ZNF438: variants seen among roughly 807,000 people sequenced by gnomAD.
The protein encoded by ZNF438 is zinc finger protein 438.
A neutral mutation model predicts 38.0 loss-of-function variants in ZNF438; 25 were observed. The observed-to-expected ratio is 0.66, with a 90% CI of 0.48 to 0.92. ZNF438 has a LOEUF of 0.92. Among genes scored for constraint, ZNF438 ranks in the 40% least tolerant of loss-of-function variants. ZNF438 has a pLI of 0.00. For synonymous variants in ZNF438, 372 were observed against 364.1 expected, an observed-to-expected ratio of 1.02 and a Z score of -0.25; for missense variants, 1,007 against 999.6, an observed-to-expected ratio of 1.01 and a Z score of -0.10.
chr10:30,883,723 C>T (rs1047687448), intron 3 of ZNF438, among the ~76,000 whole-genome samples: 1 of 151,960 alleles, frequency 6.6e-6, no homozygotes, highest in African/African-American at 2.4e-5. Context: ...ACAAAAAACC[C>T]ATCTCTACAA....
At chr10:30,965,222 A>G (rs1407742720) in intron 1 of ZNF438, among the ~76,000 whole-genome samples, 1 of 152,236 alleles carries the variant, frequency 6.6e-6, no homozygotes, top group African/African-American at 2.4e-5. Context: ...AATGCAAATC[A>G]AAACCAAAAT....
intron 4 of ZNF438, among the ~76,000 whole-genome samples, chr10:30,852,669 A>G (rs2033883116): frequency 6.6e-6 from 1 of 152,274 alleles, no homozygotes. Context: ...ATTGTTTTGC[A>G]AAGAAAAAGG....
intron 2 of ZNF438, among the ~76,000 whole-genome samples, chr10:30,936,485 C>T (rs2046269289): frequency 2.6e-5 from 4 of 151,890 alleles, no homozygotes; most frequent in Admixed American, 2.6e-4. Context: ...ACCAGCCTGG[C>T]CAAGATGGTG....
chr10:30,901,558 A>C (rs1378401471), intron 3 of ZNF438, among the ~76,000 whole-genome samples: 3 of 152,148 alleles, frequency 2.0e-5, no homozygotes, highest in African/African-American at 7.2e-5. Context: ...TTGGCCCCCG[A>C]ATTCTAAGGA....
At chr10:30,885,396 G>A (rs1004097301) in intron 3 of ZNF438, among the ~76,000 whole-genome samples, 5 of 152,212 alleles carry the variant, frequency 3.3e-5, no homozygotes, top group African/African-American at 1.2e-4. Flanking sequence ...GAACCAGTCA[G>A]TGAAGCCATG....
At chr10:30,857,737 C>T (rs2034907344) in intron 4 of ZNF438, 4 of 1,483,106 alleles carry the variant, frequency 2.7e-6, no homozygotes, top group African/African-American at 1.4e-5. Context: ...GAATGTGCAA[C>T]GTGTGTCCTC....
Position 30,845,398 on chromosome 10 carries a change from G to C in ZNF438, c.2050C>G (p.Pro684Ala), listed in dbSNP as rs376716516. 6 of 1,613,920 alleles carry C rather than the reference G, an allele frequency of 3.7e-6. No homozygotes were observed. The African/African-American group carries it at 8.0e-5, about 22-fold the overall frequency. ...TCTTCCTGAGTCCCCTTGCTTCCTG[G>C]GAAGGTCCCTTCTTGTAGCCTGCCC... Residue 684 changes from proline (P) to alanine (A), a missense_variant, in exon 6 of 6, where the codon CCA becomes GCA. By Grantham distance (27) the Pro-to-Ala change is conservative. Coordinates refer to ENST00000413025, the Ensembl canonical transcript of ZNF438.
intron 1 of ZNF438, among the ~76,000 whole-genome samples, chr10:30,970,123 CACACACACACACACACACACATAT>C (rs1437599356): frequency 1.3e-5 from 2 of 151,482 alleles, no homozygotes; most frequent in South Asian, 2.1e-4. Context: ...CACACACACA[CACACACACACACACACACACATAT>C]ACACACACAC....
intron 1 of ZNF438, among the ~76,000 whole-genome samples, chr10:30,977,737 C>T (rs1359764028): frequency 6.6e-6 from 1 of 152,082 alleles, no homozygotes; most frequent in Non-Finnish European, 1.5e-5. Context: ...GTAATACCAA[C>T]ACTTTGGGAG....
chr10:30,944,313 C>A (rs1589326920), intron 1 of ZNF438, among the ~76,000 whole-genome samples: 1 of 152,166 alleles, frequency 6.6e-6, no homozygotes, highest in South Asian at 2.1e-4. Flanking sequence ...AGACTAGATG[C>A]AAAGCTAGGT....
chr10:31,001,610 T>C (rs538168636), intron 1 of ZNF438, among the ~76,000 whole-genome samples: 13 of 152,354 alleles, frequency 8.5e-5, no homozygotes, highest in African/African-American at 2.6e-4. Flanking sequence ...ATTTAAAAAT[T>C]CATTTTCTGC....
At chr10:31,003,297 C>T (rs1433544131) in intron 1 of ZNF438, among the ~76,000 whole-genome samples, 1 of 152,104 alleles carries the variant, frequency 6.6e-6, no homozygotes, top group Non-Finnish European at 1.5e-5. Flanking sequence ...TTCTATCTAC[C>T]CTGCCACCCA....
chr10:30,849,011 C>T, exon 5 of ZNF438: 1 of 1,614,110 alleles, frequency 6.2e-7, no homozygotes, highest in Non-Finnish European at 8.5e-7. Context: ...AACATCCTGT[C>T]CTAGGCCCCC....
At chr10:31,029,779 G>C (rs1048640823) in intron 1 of ZNF438, among the ~76,000 whole-genome samples, 7 of 152,154 alleles carry the variant, frequency 4.6e-5, no homozygotes, top group African/African-American at 1.7e-4. Flanking sequence ...GGGACCCCAC[G>C]GCCTGCCTGG....
intron 2 of ZNF438, among the ~76,000 whole-genome samples, chr10:30,937,894 G>A (rs1485674884): frequency 6.6e-6 from 1 of 152,150 alleles, no homozygotes; most frequent in Non-Finnish European, 1.5e-5. Flanking sequence ...GTGCTTGAGG[G>A]ACAGAGGCTC....
chr10:30,900,630 C>A (rs1021520008), intron 3 of ZNF438, among the ~76,000 whole-genome samples: 1 of 152,172 alleles, frequency 6.6e-6, no homozygotes, highest in East Asian at 1.9e-4. Flanking sequence ...CAAGGAAATT[C>A]AGGCAGAGAG....
At chr10:30,895,735 C>A (rs2041241937) in intron 3 of ZNF438, among the ~76,000 whole-genome samples, 1 of 151,928 alleles carries the variant, frequency 6.6e-6, no homozygotes, top group South Asian at 2.1e-4. Flanking sequence ...TACAAATGGC[C>A]AACAAGCATA....
intron 3 of ZNF438, among the ~76,000 whole-genome samples, chr10:30,880,022 A>C (rs2038996591): frequency 6.6e-6 from 1 of 152,212 alleles, no homozygotes; most frequent in Non-Finnish European, 1.5e-5. Context: ...TATCATTGCC[A>C]AACTGCTCAA....
exon 6 of ZNF438, chr10:30,845,547 T>C (rs2031784107): frequency 6.2e-7 from 1 of 1,612,378 alleles, no homozygotes; most frequent in Admixed American, 1.7e-5. Flanking sequence ...TAGAAGGAAG[T>C]CTTCTTCCAG....
Sources: allele counts gnomAD v4.1 joint callset (sites outside exome capture counted in the v4.1 genomes callset), GRCh38; gene constraint gnomAD v4.1.1; transcripts MANE v1.5; gene names NCBI Gene and HGNC (gene_info 2026-07-23, HGNC 2026-07-21).